Variants in OOSP4A observed in about 807,000 individuals in gnomAD.
OOSP4A encodes oocyte secreted protein family member 4A.
intron 2 of OOSP4A, among the ~76,000 whole-genome samples, chr11:59,966,084 A>G (rs2134584860): frequency 6.6e-6 from 1 of 152,226 alleles, no homozygotes; most frequent in Non-Finnish European, 1.5e-5. Flanking sequence ...GTTGACCTAA[A>G]ATTTTGATGA....
intron 4 of OOSP4A, 51 bp from the exon 5 acceptor site, chr11:59,969,998 G>A: frequency 5.0e-6 from 2 of 397,400 alleles, no homozygotes; most frequent in Non-Finnish European, 8.9e-6. Flanking sequence ...TAGTTAGATG[G>A]TAGTTTCCCA....
Position 59,964,967 on chromosome 11 carries a change from C to T in OOSP4A, c.68-568C>T, listed in dbSNP as rs959118641. On this transcript the variant is annotated intron_variant, in intron 1 of 4. Coordinates refer to ENST00000645590, the Ensembl canonical transcript of OOSP4A. ...CTGAGACCTGTTAGTAAAATTTGAACAATCCCTAAAAACAAAGTGTGCATG... is the reference window on the plus strand; with the variant it reads ...CTGAGACCTGTTAGTAAAATTTGAATAATCCCTAAAAACAAAGTGTGCATG... Among the ~76,000 whole-genome samples, 7 of 151,930 alleles carry T rather than the reference C, an allele frequency of 4.6e-5. No homozygotes were observed. The East Asian group carries it at 1.4e-3, about 29-fold the overall frequency.
At chr11:59,967,790 CT>C (rs1854116021) in intron 3 of OOSP4A, among the ~76,000 whole-genome samples, 1 of 152,000 alleles carries the variant, frequency 6.6e-6, no homozygotes, top group South Asian at 2.1e-4. Context: ...GGCAATTCTG[CT>C]TGTGGTCAAA....
intron 2 of OOSP4A, 94 bp downstream of exon 2, chr11:59,965,807 T>C (rs189014879): frequency 2.5e-6 from 1 of 396,998 alleles, no homozygotes; most frequent in African/African-American, 2.1e-5. Flanking sequence ...ACATTTTAAT[T>C]GTCAGTTAAT....
chr11:59,969,093 C>G (rs1170874575), intron 3 of OOSP4A, 57 bp from the exon 4 acceptor site: 2 of 397,464 alleles, frequency 5.0e-6, no homozygotes, highest in Non-Finnish European at 8.9e-6. Context: ...AACTTTTTCT[C>G]CACCTCCAAA....
At chr11:59,965,800 T>C in intron 2 of OOSP4A, 87 bp downstream of exon 2, 1 of 397,148 alleles carries the variant, frequency 2.5e-6, no homozygotes, top group Non-Finnish European at 4.4e-6. Flanking sequence ...AGTATTCACA[T>C]TTTAATTGTC....
intron 2 of OOSP4A, among the ~76,000 whole-genome samples, chr11:59,966,167 CT>C (rs112146765): frequency 5.2e-3 from 728 of 139,364 alleles, no homozygotes; most frequent in East Asian, 0.013. Context: ...CACCAGAAAA[CT>C]TTTTTTTTTT....
At chr11:59,969,926 G>T (rs1428388476) in intron 4 of OOSP4A, 123 bp from the exon 5 acceptor site, 1 of 391,918 alleles carries the variant, frequency 2.6e-6, no homozygotes, top group African/African-American at 2.1e-5. Flanking sequence ...TATTATAATG[G>T]TCCCTGGGGT....
chr11:59,970,316 A>C (rs1444853905), downstream of OOSP4A, among the ~76,000 whole-genome samples: 1 of 152,156 alleles, frequency 6.6e-6, no homozygotes, highest in Non-Finnish European at 1.5e-5. Flanking sequence ...CAGATTTTAA[A>C]CTTGTAATAA....
At chr11:59,965,452 A>G (rs1854089382) in intron 1 of OOSP4A, 83 bp from the exon 2 acceptor site, 4 of 397,484 alleles carry the variant, frequency 1.0e-5, no homozygotes, top group South Asian at 1.4e-4. Context: ...ATTCAGCTCA[A>G]GAGGTTGAAA....
intron 4 of OOSP4A, among the ~76,000 whole-genome samples, chr11:59,969,500 AT>A (rs1854134794): frequency 6.6e-6 from 1 of 152,212 alleles, no homozygotes; most frequent in East Asian, 1.9e-4. Flanking sequence ...CAGATTTGCA[AT>A]TGTAACCTCA....
chr11:59,969,510 C>T lies in OOSP4A; in HGVS notation c.479+226C>T, dbSNP rs553137111. 6.6e-5 allele frequency among the ~76,000 whole-genome samples: 10 copies of T among 152,304 alleles called. No homozygotes were observed. The East Asian group carries it at 1.9e-3, about 29-fold the overall frequency. ...TAAAACAGATTTGCAATTGTAACCT[C>T]AATAGTTCTTTTATGTTAATTTACT... On this transcript the variant is annotated intron_variant, in intron 4 of 4. Coordinates refer to ENST00000645590, the Ensembl canonical transcript of OOSP4A.
At chr11:59,965,125 A>AC (rs1854084607) in intron 1 of OOSP4A, among the ~76,000 whole-genome samples, 1 of 121,030 alleles carries the variant, frequency 8.3e-6, no homozygotes, top group African/African-American at 3.1e-5. Context: ...GGAACATCAC[A>AC]CACCGGGGCC....
At chr11:59,968,923 A>G (rs1352360831) in intron 3 of OOSP4A, among the ~76,000 whole-genome samples, 2 of 152,214 alleles carry the variant, frequency 1.3e-5, no homozygotes, top group East Asian at 3.8e-4. Flanking sequence ...TCAGGTCACA[A>G]TAGTACATTT....
chr11:59,969,967 A>G (rs1854138604), intron 4 of OOSP4A, 82 bp from the exon 5 acceptor site: 1 of 396,106 alleles, frequency 2.5e-6, no homozygotes, highest in East Asian at 3.6e-5. Context: ...CCACGTTCCC[A>G]CTTTGTTGAG....
chr11:59,966,738 C>T (rs1209385488), intron 2 of OOSP4A, among the ~76,000 whole-genome samples: 1 of 152,000 alleles, frequency 6.6e-6, no homozygotes, highest in Non-Finnish European at 1.5e-5. Flanking sequence ...CCTTCCAAAG[C>T]GCTGGGATTA....
intron 4 of OOSP4A, among the ~76,000 whole-genome samples, chr11:59,969,563 C>A (rs1345295280): frequency 2.0e-5 from 3 of 152,080 alleles, no homozygotes; most frequent in African/African-American, 7.2e-5. Flanking sequence ...ATCTTTGGTG[C>A]ATATAAGTAT....
At chr11:59,965,544 C>A (rs757367294) in exon 2 of OOSP4A, 2 of 398,454 alleles carry the variant, frequency 5.0e-6, no homozygotes, top group Non-Finnish European at 8.9e-6. Flanking sequence ...GTGTCTATAA[C>A]CTGTTCTGAA....
intron 2 of OOSP4A, 44 bp downstream of exon 2, chr11:59,965,757 G>GT (rs1056300061): frequency 2.5e-6 from 1 of 397,938 alleles, no homozygotes; most frequent in African/African-American, 2.1e-5. Context: ...TCTTTTGACT[G>GT]TTTTGGGTCC....
Sources: allele counts gnomAD v4.1 joint callset (sites outside exome capture counted in the v4.1 genomes callset), GRCh38; gene constraint gnomAD v4.1.1; transcripts MANE v1.5; gene names NCBI Gene and HGNC (gene_info 2026-07-23, HGNC 2026-07-21).